The following VWC2L variants were observed in gnomAD, a reference collection of about 807,000 sequenced individuals.
VWC2L encodes von Willebrand factor C domain-containing protein 2-like.
Under a neutral mutation model 21.6 loss-of-function variants are expected in VWC2L, and 10 were observed. That is an observed-to-expected ratio of 0.46 (90% CI 0.29 to 0.78). The LOEUF (loss-of-function observed/expected upper bound fraction) is 0.78. Among genes scored for constraint, VWC2L ranks in the 30% least tolerant of loss-of-function variants. VWC2L has a pLI of 0.10. For missense variants in VWC2L, 209 were observed against 277.1 expected (o/e 0.75, Z 1.74); for synonymous variants, 96 against 94.3 (o/e 1.02, Z -0.10).
intron 3 of VWC2L, among the ~76,000 whole-genome samples, chr2:214,464,548 C>T (rs1233434731): frequency 6.6e-6 from 1 of 152,146 alleles, no homozygotes; most frequent in Non-Finnish European, 1.5e-5. Flanking sequence ...CACAAGCACT[C>T]CTGTGGCCAC....
chr2:214,494,171 T>C (rs1688780695), intron 3 of VWC2L, among the ~76,000 whole-genome samples: 1 of 152,168 alleles, frequency 6.6e-6, no homozygotes. Flanking sequence ...AGCATAACTT[T>C]ATTCCCACAT....
chr2:214,546,682 T>C (rs1323823852), intron 3 of VWC2L, among the ~76,000 whole-genome samples: 1 of 152,138 alleles, frequency 6.6e-6, no homozygotes, highest in Non-Finnish European at 1.5e-5. Flanking sequence ...ATATTTTAAG[T>C]GAATGGCAGT....
chr2:214,508,836 A>C (rs1689008648), intron 3 of VWC2L, among the ~76,000 whole-genome samples: 2 of 151,866 alleles, frequency 1.3e-5, no homozygotes, highest in South Asian at 4.2e-4. Flanking sequence ...TTTACTGGAG[A>C]ATTTAATCTG....
intron 3 of VWC2L, among the ~76,000 whole-genome samples, chr2:214,437,831 A>C (rs143078948): frequency 6.6e-6 from 1 of 152,268 alleles, no homozygotes; most frequent in African/African-American, 2.4e-5. Context: ...TATTTCTGAT[A>C]ATAATTTTTT....
chr2:214,418,597 TC>T (rs1296236481), intron 2 of VWC2L, among the ~76,000 whole-genome samples: 1 of 152,242 alleles, frequency 6.6e-6, no homozygotes, highest in Non-Finnish European at 1.5e-5. Flanking sequence ...GACACTGTTT[TC>T]TTTTTTCTTT....
intron 2 of VWC2L, among the ~76,000 whole-genome samples, chr2:214,422,038 T>C (rs1244473328): frequency 6.6e-6 from 1 of 151,188 alleles, no homozygotes; most frequent in Non-Finnish European, 1.5e-5. Context: ...TACAGGCGCG[T>C]GCCACCATGC....
At chr2:214,503,512 T>G (rs1157315497) in intron 3 of VWC2L, among the ~76,000 whole-genome samples, 7 of 152,162 alleles carry the variant, frequency 4.6e-5, no homozygotes, top group Non-Finnish European at 2.9e-5. Flanking sequence ...AAAGTCATAA[T>G]GTGGCCAAAA....
intron 2 of VWC2L, among the ~76,000 whole-genome samples, chr2:214,430,009 A>G (rs1379352240): frequency 1.3e-5 from 2 of 152,060 alleles, no homozygotes; most frequent in Non-Finnish European, 2.9e-5. Context: ...TTTTTAGTAC[A>G]GGTGGGGTTT....
At chr2:214,555,158 C>G (rs1348316762) in intron 3 of VWC2L, among the ~76,000 whole-genome samples, 2 of 152,208 alleles carry the variant, frequency 1.3e-5, no homozygotes, top group Non-Finnish European at 2.9e-5. Flanking sequence ...AAGAGTGTAA[C>G]CCTTTCTACC....
At chr2:214,553,240 C>CAGTAACAG (rs1689821860) in intron 3 of VWC2L, among the ~76,000 whole-genome samples, 3 of 152,242 alleles carry the variant, frequency 2.0e-5, no homozygotes, top group Non-Finnish European at 4.4e-5. Context: ...AACAGTCGAA[C>CAGTAACAG]TCTGTAAGAT....
intron 3 of VWC2L, among the ~76,000 whole-genome samples, chr2:214,501,827 A>G (rs1159016180): frequency 2.6e-5 from 4 of 152,148 alleles, no homozygotes; most frequent in Non-Finnish European, 4.4e-5. Context: ...GCCACTATAT[A>G]AGACTCCAGC....
At chr2:214,567,983 A>G (rs957056400) in intron 3 of VWC2L, among the ~76,000 whole-genome samples, 23 of 152,210 alleles carry the variant, frequency 1.5e-4, no homozygotes, top group Non-Finnish European at 3.2e-4. Context: ...CTGGGGAGTC[A>G]GGAATAGGAA....
At chr2:214,486,149 T>C (rs1381263036) in intron 3 of VWC2L, among the ~76,000 whole-genome samples, 1 of 152,204 alleles carries the variant, frequency 6.6e-6, no homozygotes, top group Non-Finnish European at 1.5e-5. Flanking sequence ...AGAGCCCTTT[T>C]AATTGCTTAT....
At chr2:214,503,082 T>C (rs1688918258) in intron 3 of VWC2L, among the ~76,000 whole-genome samples, 1 of 152,224 alleles carries the variant, frequency 6.6e-6, no homozygotes, top group African/African-American at 2.4e-5. Context: ...CCATCGTATC[T>C]AGGCACGTAG....
At chr2:214,432,980 C>T (rs1702622085) in intron 2 of VWC2L, among the ~76,000 whole-genome samples, 1 of 151,040 alleles carries the variant, frequency 6.6e-6, no homozygotes, top group African/African-American at 2.4e-5. Context: ...CAAGATTGTG[C>T]CACTGCACTC....
chr2:214,505,613 G>T (rs1688956739), intron 3 of VWC2L, among the ~76,000 whole-genome samples: 1 of 151,998 alleles, frequency 6.6e-6, no homozygotes. Context: ...CTGTTACATT[G>T]TTAATGAATT....
intron 3 of VWC2L, among the ~76,000 whole-genome samples, chr2:214,451,777 A>G (rs182715258): frequency 6.6e-6 from 1 of 152,326 alleles, no homozygotes; most frequent in Admixed American, 6.5e-5. Flanking sequence ...TGCTTGTTTC[A>G]AGTAACATAT....
intron 3 of VWC2L, among the ~76,000 whole-genome samples, chr2:214,514,912 G>T (rs1456424606): frequency 6.6e-6 from 1 of 152,192 alleles, no homozygotes; most frequent in Non-Finnish European, 1.5e-5. Context: ...GACTTGACTT[G>T]CTGCCAGTGC....
chr2:214,511,281 T>C (rs1227415861), intron 3 of VWC2L, among the ~76,000 whole-genome samples: 1 of 151,678 alleles, frequency 6.6e-6, no homozygotes, highest in African/African-American at 2.4e-5. Flanking sequence ...GAAAAAAAAA[T>C]TGTTAAAGTG....
Sources: gnomAD v4.1 joint callset for allele counts (sites outside exome capture counted in the v4.1 genomes callset) on GRCh38, gnomAD v4.1.1 for gene constraint, MANE v1.5 for transcripts, NCBI Gene and HGNC (gene_info 2026-07-23, HGNC 2026-07-21) for gene names.